Variants in RFX8 observed in about 807,000 individuals in gnomAD.
RFX8 encodes regulatory factor X8, also known as DNA-binding protein RFX8.
RFX8 carries 46 observed loss-of-function variants against 54.6 expected under a neutral mutation model. The observed-to-expected ratio is 0.84, with a 90% CI of 0.67 to 1.08. The LOEUF is 1.08. RFX8 is among the 50% of genes least tolerant of loss of function. The pLI is 0.00. For missense variants in RFX8, 536 were observed against 562.3 expected, an observed-to-expected ratio of 0.95 and a Z score of 0.47; for synonymous variants, 192 against 209.5, an observed-to-expected ratio of 0.92 and a Z score of 0.72.
At chr2:101,442,390 A>G (rs1688145190) in intron 2 of RFX8, among the ~76,000 whole-genome samples, 2 of 152,198 alleles carry the variant, frequency 1.3e-5, no homozygotes, top group Admixed American at 1.3e-4. Flanking sequence ...TCTCTTTGAA[A>G]AACTTTCTTT....
Position 101,474,662 on chromosome 2 carries a change from G to C in RFX8, c.-79C>G, listed in dbSNP as rs1690216011. 1.2e-5 allele frequency: 2 copies of C among 173,286 alleles called. No homozygotes were observed. The highest frequency in any genetic ancestry group is 4.0e-4 in the South Asian group (2 of 5,044). The allele number at this position is 173,286 out of a possible 1,614,324, so 10.7% of individuals were successfully genotyped here. ...CCTTTTCCAATCTGGTCGCGGTGTTGAGTCCGTGGGTGTCCTTGACTTGCT... is the reference window on the plus strand; with the variant it reads ...CCTTTTCCAATCTGGTCGCGGTGTTCAGTCCGTGGGTGTCCTTGACTTGCT... On this transcript the variant is annotated 5_prime_UTR_variant, in exon 1 of 12. Coordinates refer to ENST00000428343, the MANE Select transcript of RFX8 (RefSeq NM_001145664.2).
At chr2:101,468,980 ATATATATATAAGTATATATATACG>A (rs1689736222) in intron 1 of RFX8, among the ~76,000 whole-genome samples, 2 of 113,314 alleles carry the variant, frequency 1.8e-5, no homozygotes, top group Admixed American at 9.5e-5. Context: ...ATATGTAAGT[ATATATATATAAGTATATATATACG>A]TATATATATA....
chr2:101,421,379 G>C, intron 4 of RFX8: 2 of 1,016,618 alleles, frequency 2.0e-6, no homozygotes, highest in South Asian at 4.5e-5. Flanking sequence ...CAATCAAATG[G>C]CTCTTCGGCA....
intron 11 of RFX8, among the ~76,000 whole-genome samples, chr2:101,398,888 G>A (rs375407390): frequency 3.3e-5 from 5 of 152,030 alleles, no homozygotes; most frequent in South Asian, 2.1e-4. Context: ...CTCTAAATTC[G>A]ACAAAAACCA....
chr2:101,451,609 A>T (rs1395043145), intron 2 of RFX8, among the ~76,000 whole-genome samples: 3 of 151,240 alleles, frequency 2.0e-5, no homozygotes, highest in Non-Finnish European at 4.4e-5. Context: ...GAATCGCTTG[A>T]ATCTGGGAGG....
chr2:101,470,501 T>A (rs191775122), intron 1 of RFX8, among the ~76,000 whole-genome samples: 1 of 152,224 alleles, frequency 6.6e-6, no homozygotes, highest in East Asian at 1.9e-4. Context: ...ATAAAGCCTG[T>A]CTACATTTGA....
chr2:101,413,447 C>T (rs1407155105), intron 7 of RFX8, among the ~76,000 whole-genome samples: 1 of 152,118 alleles, frequency 6.6e-6, no homozygotes, highest in African/African-American at 2.4e-5. Flanking sequence ...CTGCGGGATT[C>T]GGAAGCTGGC....
intron 2 of RFX8, among the ~76,000 whole-genome samples, chr2:101,455,233 G>A (rs563455490): frequency 6.6e-6 from 1 of 151,978 alleles, no homozygotes; most frequent in East Asian, 1.9e-4. Context: ...GGCTGTTCTC[G>A]AACTCCTGAC....
chr2:101,468,037 A>G (rs1321274260), intron 1 of RFX8, among the ~76,000 whole-genome samples: 1 of 152,170 alleles, frequency 6.6e-6, no homozygotes, highest in African/African-American at 2.4e-5. Flanking sequence ...ATCTTCTGGA[A>G]TGAGGCACAC....
chr2:101,451,008 C>A (rs949339153), intron 2 of RFX8, among the ~76,000 whole-genome samples: 2 of 151,990 alleles, frequency 1.3e-5, no homozygotes, highest in Non-Finnish European at 2.9e-5. Flanking sequence ...GCCCCCCGAC[C>A]CCCCAGCACC....
At chr2:101,401,190 C>G (rs1341030907) in intron 11 of RFX8, among the ~76,000 whole-genome samples, 1 of 152,196 alleles carries the variant, frequency 6.6e-6, no homozygotes, top group Admixed American at 6.5e-5. Flanking sequence ...CTTACTATCT[C>G]AAAGTGAGAA....
intron 2 of RFX8, among the ~76,000 whole-genome samples, chr2:101,424,680 T>A (rs1019974041): frequency 8.5e-5 from 13 of 152,198 alleles, no homozygotes; most frequent in African/African-American, 3.1e-4. Context: ...CGGAATACTA[T>A]GCAGCCATAA....
In RFX8 at chr2:101,447,823, A is replaced by G. The variant is rs776872504; in HGVS notation, c.72+18954T>C. On this transcript the variant is annotated intron_variant, in intron 2 of 11. Transcript: ENST00000428343. ...TTCTACTCTTGCCTCCACAAGATAA[A>G]CTTATTTTAGCTCTCTCCTATGAGT... 2.8e-4 allele frequency among the ~76,000 whole-genome samples: 43 copies of G among 152,136 alleles called. 1 individual carries two copies. The highest frequency in any genetic ancestry group is 5.3e-4 in the Non-Finnish European group (36 of 68,022).
Position 101,455,613 on chromosome 2 carries a change from C to T in RFX8, c.72+11164G>A, listed in dbSNP as rs185976372. Among the ~76,000 whole-genome samples, 651 of 152,302 alleles carry T rather than the reference C, an allele frequency of 4.3e-3. 3 individuals carry two copies. Among genetic ancestry groups the T allele is most frequent in the African/African-American group, 0.013 (556 of 41,570 alleles). On this transcript the variant is annotated intron_variant, in intron 2 of 11. Transcript: ENST00000428343. ...TACCAGTACCATGCTGTTTTGGTTACTGTAGCCTTGTAGTATAGTTTGAAG... is the reference window on the plus strand; with the variant it reads ...TACCAGTACCATGCTGTTTTGGTTATTGTAGCCTTGTAGTATAGTTTGAAG...
chr2:101,444,498 G>A (rs768815421), intron 2 of RFX8, among the ~76,000 whole-genome samples: 1 of 152,188 alleles, frequency 6.6e-6, no homozygotes, highest in Non-Finnish European at 1.5e-5. Context: ...GACCAGGTAA[G>A]TCACCATTTG....
At chr2:101,469,128 ATATATATAAG>A (rs1689828636) in intron 1 of RFX8, among the ~76,000 whole-genome samples, 3 of 133,744 alleles carry the variant, frequency 2.2e-5, no homozygotes, top group Admixed American at 1.6e-4. Context: ...ATATAAGTAT[ATATATATAAG>A]TATATATATA....
At chr2:101,450,463 A>G in intron 2 of RFX8, 1 of 558,430 alleles carries the variant, frequency 1.8e-6, no homozygotes, top group South Asian at 2.4e-5. Context: ...ACTCAACTCA[A>G]GCGGTTCTTG....
intron 1 of RFX8, chr2:101,474,394 G>T: frequency 2.6e-6 from 1 of 383,158 alleles, no homozygotes; most frequent in Non-Finnish European, 4.6e-6. Flanking sequence ...AGGAGCGCGC[G>T]GGGGGCGCGC....
At chr2:101,432,638 C>A (rs1005851193) in intron 2 of RFX8, among the ~76,000 whole-genome samples, 1 of 152,130 alleles carries the variant, frequency 6.6e-6, no homozygotes, top group Non-Finnish European at 1.5e-5. Context: ...CTGCCCCCTG[C>A]GTCATTTCCA....
Sources: gnomAD v4.1 joint callset for allele counts (sites outside exome capture counted in the v4.1 genomes callset) on GRCh38, gnomAD v4.1.1 for gene constraint, MANE v1.5 for transcripts, NCBI Gene and HGNC (gene_info 2026-07-23, HGNC 2026-07-21) for gene names.